TMEM132D: variants seen among roughly 807,000 people sequenced by gnomAD.
The protein encoded by TMEM132D is mature OL transmembrane protein.
In TMEM132D, 21 loss-of-function variants were observed where a neutral mutation model predicts 62.3. The observed-to-expected ratio is 0.34, with a 90% CI of 0.24 to 0.49. TMEM132D has a LOEUF of 0.49. TMEM132D is among the 20% of genes least tolerant of loss of function. The pLI, the probability that TMEM132D is intolerant of heterozygous loss-of-function variation, is 0.99. For missense variants in TMEM132D, 1,346 were observed against 1,402.8 expected (o/e 0.96, Z 0.65); for synonymous variants, 621 against 575.6 (o/e 1.08, Z -1.13).
intron 2 of TMEM132D, among the ~76,000 whole-genome samples, chr12:129,559,361 A>G (rs76218943): frequency 0.015 from 2,281 of 152,320 alleles, 68 homozygotes; most frequent in African/African-American, 0.052. Flanking sequence ...TTGCATAGCA[A>G]CAGGTATACA....
chr12:129,148,960 C>G (rs1351757426), intron 5 of TMEM132D, among the ~76,000 whole-genome samples: 1 of 152,096 alleles, frequency 6.6e-6, no homozygotes, highest in Non-Finnish European at 1.5e-5. Context: ...TGTTCTCCAG[C>G]GTGGGTCTCC....
chr12:129,313,873 C>T (rs940591911), intron 4 of TMEM132D, among the ~76,000 whole-genome samples: 3 of 151,956 alleles, frequency 2.0e-5, no homozygotes, highest in African/African-American at 7.2e-5. Flanking sequence ...CCAACATGTA[C>T]GGTTTTATGA....
At chr12:129,340,460 C>T (rs765792048) in intron 3 of TMEM132D, among the ~76,000 whole-genome samples, 2 of 151,868 alleles carry the variant, frequency 1.3e-5, no homozygotes, top group Non-Finnish European at 2.9e-5. Context: ...TTCCCCCTTC[C>T]CCCCACCCCA....
chr12:129,119,835 G>C (rs1876003034), intron 5 of TMEM132D, among the ~76,000 whole-genome samples: 1 of 152,098 alleles, frequency 6.6e-6, no homozygotes, highest in African/African-American at 2.4e-5. Flanking sequence ...TTCAACTAGT[G>C]GTGGGCTCTA....
intron 3 of TMEM132D, among the ~76,000 whole-genome samples, chr12:129,365,233 T>C (rs1252725455): frequency 6.6e-6 from 1 of 152,152 alleles, no homozygotes; most frequent in Non-Finnish European, 1.5e-5. Context: ...CTAAGGTATC[T>C]TATCTGACCT....
intron 2 of TMEM132D, among the ~76,000 whole-genome samples, chr12:129,644,580 T>C (rs994089811): frequency 6.6e-6 from 1 of 152,068 alleles, no homozygotes; most frequent in African/African-American, 2.4e-5. Flanking sequence ...GCAGTTACCA[T>C]TTTACAGTGC....
intron 2 of TMEM132D, among the ~76,000 whole-genome samples, chr12:129,664,860 T>A (rs974223085): frequency 2.6e-5 from 4 of 152,116 alleles, no homozygotes; most frequent in African/African-American, 9.7e-5. Flanking sequence ...ACAAAAACAA[T>A]GACAGCAATG....
chr12:129,802,273 A>C (rs1178175487), intron 1 of TMEM132D, among the ~76,000 whole-genome samples: 1 of 105,818 alleles, frequency 9.5e-6, no homozygotes. Context: ...AAAAAATGTT[A>C]AGGGCAGCCA....
Position 129,337,808 on chromosome 12 carries a change from G to T in TMEM132D, c.1125C>A (p.Gly375=). The T allele has an allele frequency of 6.2e-7, 1 of 1,608,878 alleles. No individual in the cohort carries two copies. Among genetic ancestry groups the T allele is most frequent in the Non-Finnish European group, 8.5e-7 (1 of 1,177,120 alleles). Residue 375 remains glycine (G), a synonymous_variant, in exon 4 of 9, where the codon GGC becomes GGA. Transcript: ENST00000422113. ...KAAGSENSAD[G]ASYEVMQIDV... ...CGATCTGCATGACCTCGTAGGAGGC[G>T]CCATCCGCACTGGAGAGAAGACACA...
At chr12:129,564,336 C>T (rs1051408582) in intron 2 of TMEM132D, among the ~76,000 whole-genome samples, 1 of 152,200 alleles carries the variant, frequency 6.6e-6, no homozygotes, top group Non-Finnish European at 1.5e-5. Context: ...AAAGTTTCTG[C>T]ATGTTCATAA....
chr12:129,103,973 A>C (rs191296894), intron 5 of TMEM132D, among the ~76,000 whole-genome samples: 3,257 of 152,242 alleles, frequency 0.021, 119 homozygotes, highest in African/African-American at 0.074. Flanking sequence ...TGCCCAAGGT[A>C]ATTTACAGAT....
intron 5 of TMEM132D, among the ~76,000 whole-genome samples, chr12:129,094,497 C>A (rs186960243): frequency 5.9e-5 from 9 of 152,224 alleles, no homozygotes; most frequent in East Asian, 1.9e-4. Context: ...ATCTTACACC[C>A]GTTAGAATGG....
intron 3 of TMEM132D, among the ~76,000 whole-genome samples, chr12:129,506,043 A>T (rs1875319590): frequency 6.6e-6 from 1 of 152,152 alleles, no homozygotes; most frequent in Non-Finnish European, 1.5e-5. Context: ...TTGAGATGTG[A>T]GGTTCTATTC....
intron 1 of TMEM132D, among the ~76,000 whole-genome samples, chr12:129,736,940 C>G (rs1397636143): frequency 6.6e-6 from 1 of 152,014 alleles, no homozygotes; most frequent in Non-Finnish European, 1.5e-5. Flanking sequence ...GCCTCAGCCT[C>G]CCAAGTAGCT....
chr12:129,350,491 G>A (rs192502922), intron 3 of TMEM132D, among the ~76,000 whole-genome samples: 4 of 152,300 alleles, frequency 2.6e-5, no homozygotes, highest in East Asian at 3.9e-4. Context: ...GTTTATTCCC[G>A]TGAGCCAATC....
chr12:129,684,087 C>G (rs931778015), intron 2 of TMEM132D, among the ~76,000 whole-genome samples: 3 of 152,118 alleles, frequency 2.0e-5, no homozygotes, highest in Non-Finnish European at 4.4e-5. Flanking sequence ...TGCAAAGCAA[C>G]CTCTTCTGTC....
chr12:129,498,545 C>T (rs1875032659), intron 3 of TMEM132D, among the ~76,000 whole-genome samples: 1 of 152,176 alleles, frequency 6.6e-6, no homozygotes, highest in Admixed American at 6.5e-5. Flanking sequence ...TGAGCCTGTC[C>T]AAAATCTTTA....
At chr12:129,798,950 C>T (rs575536591) in intron 1 of TMEM132D, among the ~76,000 whole-genome samples, 62 of 152,350 alleles carry the variant, frequency 4.1e-4, no homozygotes, top group African/African-American at 1.2e-3. Context: ...AAACTCTTAA[C>T]GACTGGAAGA....
chr12:129,392,280 C>T (rs1466416625), intron 3 of TMEM132D, among the ~76,000 whole-genome samples: 2 of 152,038 alleles, frequency 1.3e-5, no homozygotes, highest in African/African-American at 4.8e-5. Context: ...TGGTCTCAAA[C>T]TCCTGACCTC....
Sources: gnomAD v4.1 joint callset for allele counts (sites outside exome capture counted in the v4.1 genomes callset) on GRCh38, gnomAD v4.1.1 for gene constraint, MANE v1.5 for transcripts, NCBI Gene and HGNC (gene_info 2026-07-23, HGNC 2026-07-21) for gene names.